RYR2: variants seen among roughly 807,000 people sequenced by gnomAD.
RYR2 encodes the protein cardiac muscle ryanodine receptor-calcium release channel.
Under a neutral mutation model 601.1 loss-of-function variants are expected in RYR2, and 227 were observed. That is an observed-to-expected ratio of 0.38 (90% CI 0.34 to 0.42). The LOEUF is 0.42. Among genes scored for constraint, RYR2 ranks in the 10% least tolerant of loss-of-function variants. The pLI, the probability that RYR2 is intolerant of heterozygous loss-of-function variation, is 1.00. For synonymous variants in RYR2, 2,223 were observed against 2,175.1 expected (o/e 1.02, Z -0.61); for missense variants, 4,646 against 6,156.5 (o/e 0.75, Z 8.21).
intron 1 of RYR2, among the ~76,000 whole-genome samples, chr1:237,059,315 T>C (rs779490034): frequency 3.3e-5 from 5 of 152,094 alleles, no homozygotes; most frequent in Non-Finnish European, 5.9e-5. Context: ...CAGACTAAAA[T>C]CTGACCCAAA....
chr1:237,684,383 C>T (rs1046795606), intron 62 of RYR2, among the ~76,000 whole-genome samples: 1 of 152,118 alleles, frequency 6.6e-6, no homozygotes, highest in Non-Finnish European at 1.5e-5. Context: ...GCTAACTCTA[C>T]AGGAAGTTGT....
intron 66 of RYR2, among the ~76,000 whole-genome samples, chr1:237,702,883 A>G (rs994145161): frequency 6.6e-5 from 10 of 152,060 alleles, no homozygotes; most frequent in Non-Finnish European, 1.3e-4. Flanking sequence ...AAAATAGCAA[A>G]TTAGATCAAT....
chr1:237,363,450 A>G (rs1699947073), intron 4 of RYR2, among the ~76,000 whole-genome samples: 1 of 152,088 alleles, frequency 6.6e-6, no homozygotes, highest in South Asian at 2.1e-4. Flanking sequence ...TGTTTCAGGG[A>G]AAAATTGTAA....
intron 38 of RYR2, among the ~76,000 whole-genome samples, chr1:237,620,590 A>G (rs578071896): frequency 9.2e-5 from 14 of 152,118 alleles, no homozygotes; most frequent in Non-Finnish European, 1.6e-4. Flanking sequence ...TATACAGATT[A>G]AAAGGGAAAA....
chr1:237,784,599 A>G lies in RYR2; in HGVS notation c.12887A>G (p.His4296Arg). 1 of 1,613,834 alleles carries G rather than the reference A, an allele frequency of 6.2e-7. No individual in the cohort carries two copies. The highest frequency in any genetic ancestry group is 8.5e-7 in the Non-Finnish European group (1 of 1,179,836). ...TGGAGTATTTTCATGACCCTCTTGC[A>G]CTTCGTGGCCAGCGTTTTCAGAGGC... is the stretch of plus-strand genomic sequence containing the variant. ...SYWSIFMTLL[H>R]FVASVFRGFF... Residue 4296 changes from histidine (H) to arginine (R), a missense_variant, in exon 90 of 105, where the codon CAC (histidine) becomes CGC (arginine). His to Arg is a conservative substitution (Grantham distance 29). Coordinates refer to ENST00000366574, the MANE Select transcript of RYR2 (RefSeq NM_001035.3). The surrounding 1 kb of genome is among the most constrained non-coding windows in gnomAD (Gnocchi z 7.1).
chr1:237,466,299 G>A (rs1210650454), intron 16 of RYR2, among the ~76,000 whole-genome samples: 3 of 152,018 alleles, frequency 2.0e-5, no homozygotes, highest in African/African-American at 7.3e-5. Context: ...TGAAGTAGCT[G>A]GGACCACAGG....
At chr1:237,128,802 G>A (rs1433860156) in intron 1 of RYR2, among the ~76,000 whole-genome samples, 1 of 152,126 alleles carries the variant, frequency 6.6e-6, no homozygotes, top group African/African-American at 2.4e-5. Context: ...GGTAGTAGCT[G>A]GCATCAGGAT....
intron 20 of RYR2, among the ~76,000 whole-genome samples, chr1:237,498,641 T>C (rs1423082367): frequency 6.6e-6 from 1 of 152,194 alleles, no homozygotes; most frequent in African/African-American, 2.4e-5. Context: ...CAATAACATA[T>C]TTTACTATTT....
chr1:237,133,648 TG>T (rs1211070749), intron 1 of RYR2, among the ~76,000 whole-genome samples: 4 of 152,124 alleles, frequency 2.6e-5, no homozygotes, highest in African/African-American at 9.7e-5. Context: ...GAGAGCAACT[TG>T]TATAAGAAGT....
At chr1:237,070,248 C>G (rs1188574604) in intron 1 of RYR2, among the ~76,000 whole-genome samples, 1 of 151,928 alleles carries the variant, frequency 6.6e-6, no homozygotes, top group Admixed American at 6.6e-5. Context: ...TGCAGGCTGA[C>G]TTGAAGCAAA....
chr1:237,139,907 C>T (rs1235277235), intron 1 of RYR2, among the ~76,000 whole-genome samples: 1 of 152,212 alleles, frequency 6.6e-6, no homozygotes, highest in Non-Finnish European at 1.5e-5. Context: ...CGTGCTAGCT[C>T]ACAACGTGTG....
intron 2 of RYR2, among the ~76,000 whole-genome samples, chr1:237,303,569 G>A (rs1693584503): frequency 1.3e-5 from 2 of 151,744 alleles, no homozygotes; most frequent in South Asian, 4.2e-4. Flanking sequence ...CAAAGTGCTG[G>A]GATTACAGGC....
chr1:237,749,516 G>T (rs949731136), intron 80 of RYR2, among the ~76,000 whole-genome samples: 1 of 152,016 alleles, frequency 6.6e-6, no homozygotes, highest in African/African-American at 2.4e-5. Context: ...AACTTTTACA[G>T]TGTGGTGAAC....
chr1:237,778,912 A>G (rs1322676186), intron 88 of RYR2, 142 bp downstream of exon 88: 1 of 515,410 alleles, frequency 1.9e-6, no homozygotes, highest in Non-Finnish European at 3.5e-6. Flanking sequence ...TCATTTTATC[A>G]TGCCTCTTTT....
chr1:237,221,455 A>G (rs1189992260), intron 1 of RYR2, among the ~76,000 whole-genome samples: 1 of 152,224 alleles, frequency 6.6e-6, no homozygotes, highest in Non-Finnish European at 1.5e-5. Flanking sequence ...GGTCACAAGC[A>G]TGACATTTCG....
chr1:237,378,271 C>T (rs1208306547), intron 8 of RYR2, among the ~76,000 whole-genome samples: 2 of 152,138 alleles, frequency 1.3e-5, no homozygotes, highest in Non-Finnish European at 2.9e-5. Context: ...AGATGAGATT[C>T]GGGTGGGGAC....
chr1:237,334,084 C>G (rs1476869658), intron 3 of RYR2, among the ~76,000 whole-genome samples: 1 of 152,114 alleles, frequency 6.6e-6, no homozygotes, highest in Non-Finnish European at 1.5e-5. Flanking sequence ...TACAAACACA[C>G]TTGATGATAA....
intron 89 of RYR2, among the ~76,000 whole-genome samples, chr1:237,783,262 C>T (rs1269969400): frequency 2.0e-5 from 3 of 152,140 alleles, no homozygotes; most frequent in African/African-American, 7.2e-5. Context: ...CAAAAAGTAC[C>T]TGCCTTACAT....
chr1:237,274,967 C>T (rs1690111471), intron 2 of RYR2, among the ~76,000 whole-genome samples: 1 of 151,896 alleles, frequency 6.6e-6, no homozygotes, highest in South Asian at 2.1e-4. Context: ...ATTACATACA[C>T]TCCATGATGT....
Sources: allele counts gnomAD v4.1 joint callset (sites outside exome capture counted in the v4.1 genomes callset), GRCh38; gene constraint gnomAD v4.1.1; non-coding constraint Gnocchi (gnomAD v3.1); transcripts MANE v1.5; gene names NCBI Gene and HGNC (gene_info 2026-07-23, HGNC 2026-07-21).